Variants in SART3 observed in about 807,000 individuals in gnomAD.
SART3 encodes the protein HIV-1 Tat-interacting protein of 110kDa.
Under a neutral mutation model 122.3 loss-of-function variants are expected in SART3, and 44 were observed. The ratio of observed to expected loss-of-function variants is 0.36; its 90% CI spans 0.28 to 0.46. The LOEUF is 0.46. Among genes scored for constraint, SART3 ranks in the 20% least tolerant of loss-of-function variants. The pLI is 1.00. For missense variants in SART3, 1,101 were observed against 1,229.0 expected (o/e 0.90, Z 1.56); for synonymous variants, 442 against 454.0 (o/e 0.97, Z 0.34).
chr12:108,526,076 AT>A, intron 16 of SART3, 22 bp downstream of exon 16: 1 of 1,596,076 alleles, frequency 6.3e-7, no homozygotes, highest in Non-Finnish European at 8.6e-7. Flanking sequence ...GATGAAAGGC[AT>A]TCTTTTTTTC....
chr12:108,532,558 T>C, intron 12 of SART3: 1 of 488,186 alleles, frequency 2.0e-6, no homozygotes, highest in Non-Finnish European at 3.8e-6. Flanking sequence ...ATGTAGGGGC[T>C]ACTGGAAAGT....
intron 6 of SART3, among the ~76,000 whole-genome samples, chr12:108,542,469 G>A (rs1242019515): frequency 6.6e-6 from 1 of 152,290 alleles, no homozygotes; most frequent in East Asian, 1.9e-4. Context: ...GAGTGGCGCT[G>A]CTCCTTCTCC....
intron 6 of SART3, 46 bp downstream of exon 6, chr12:108,542,982 A>C: frequency 6.2e-7 from 1 of 1,613,220 alleles, no homozygotes. Flanking sequence ...TCCATCAGGG[A>C]AAGGTTTGTA....
At chr12:108,555,323 G>C (rs575444711) in intron 1 of SART3, among the ~76,000 whole-genome samples, 1 of 152,264 alleles carries the variant, frequency 6.6e-6, no homozygotes, top group South Asian at 2.1e-4. Flanking sequence ...TCTAACAAAA[G>C]ATGTGTGAGA....
intron 1 of SART3, chr12:108,560,527 A>C (rs1194630729): frequency 2.4e-6 from 1 of 410,402 alleles, no homozygotes; most frequent in Non-Finnish European, 4.3e-6. Flanking sequence ...ATGGGATCAA[A>C]GTACAAGGCC....
At chr12:108,546,387 G>T (rs997442366) in intron 3 of SART3, among the ~76,000 whole-genome samples, 4 of 152,058 alleles carry the variant, frequency 2.6e-5, no homozygotes, top group African/African-American at 9.7e-5. Context: ...TTTTAGTAGA[G>T]ATGGGGTTTC....
At chr12:108,550,603 C>T (rs985064187) in intron 1 of SART3, among the ~76,000 whole-genome samples, 1 of 152,108 alleles carries the variant, frequency 6.6e-6, no homozygotes, top group African/African-American at 2.4e-5. Context: ...TGGCTCACAC[C>T]TGTAATCCCA....
At chr12:108,541,550 T>C (rs1227544483) in intron 6 of SART3, among the ~76,000 whole-genome samples, 3 of 152,096 alleles carry the variant, frequency 2.0e-5, no homozygotes. Flanking sequence ...GACTTTTTTT[T>C]TTGAGACGGA....
chr12:108,543,857 C>T (rs940814965), intron 5 of SART3, among the ~76,000 whole-genome samples: 1 of 152,158 alleles, frequency 6.6e-6, no homozygotes, highest in Non-Finnish European at 1.5e-5. Context: ...CCTCCCAGCA[C>T]GCACACACTC....
intron 4 of SART3, chr12:108,544,833 G>A: frequency 1.8e-6 from 1 of 568,534 alleles, no homozygotes; most frequent in East Asian, 3.1e-5. Context: ...CCAAACTGCT[G>A]GAATTACAAG....
Position 108,549,202 on chromosome 12 carries a change from C to A in SART3, c.325G>T (p.Val109Phe), listed in dbSNP as rs762265733. ...ERLEEQLSIN[V>F]YDYNCHVDLI... ...TCCACATGGCAGTTGTAGTCATAGA[C>A]GTTGATAGACAACTAACAGGAAAAG... Residue 109 changes from valine to phenylalanine, a missense_variant, in exon 2 of 19, where the codon GTC becomes TTC. Val to Phe is a conservative substitution (Grantham distance 50, BLOSUM62 -1). Transcript: ENST00000546815. 1 of 1,614,100 alleles carries A rather than the reference C, an allele frequency of 6.2e-7. No individual in the cohort carries two copies. The highest frequency in any genetic ancestry group is 8.5e-7 in the Non-Finnish European group (1 of 1,179,994).
At chr12:108,558,131 T>G (rs2030312057) in intron 1 of SART3, among the ~76,000 whole-genome samples, 1 of 151,852 alleles carries the variant, frequency 6.6e-6, no homozygotes, top group African/African-American at 2.4e-5. Flanking sequence ...ATCACACCAC[T>G]ACTCCAGCAT....
chr12:108,525,286 C>G (rs1382209272), intron 17 of SART3, among the ~76,000 whole-genome samples, 171 bp downstream of exon 17: 1 of 152,264 alleles, frequency 6.6e-6, no homozygotes, highest in African/African-American at 2.4e-5. Context: ...ACAGGTTAAT[C>G]TGACTCCAAA....
intron 1 of SART3, among the ~76,000 whole-genome samples, chr12:108,560,042 C>A (rs1565870473): frequency 6.6e-6 from 1 of 152,182 alleles, no homozygotes; most frequent in Non-Finnish European, 1.5e-5. Flanking sequence ...GGATACTAAA[C>A]CTTCACTCCC....
chr12:108,554,856 A>T (rs1302030630), intron 1 of SART3, among the ~76,000 whole-genome samples: 1 of 152,118 alleles, frequency 6.6e-6, no homozygotes, highest in Non-Finnish European at 1.5e-5. Flanking sequence ...GTCAGATGAT[A>T]TCAATGTATA....
chr12:108,545,706 G>A (rs767587637), intron 3 of SART3, among the ~76,000 whole-genome samples: 105 of 152,246 alleles, frequency 6.9e-4, no homozygotes, highest in Middle Eastern at 6.8e-3. Flanking sequence ...GGTGGCTCAC[G>A]CCTGTAATCC....
intron 8 of SART3, 43 bp from the exon 9 acceptor site, chr12:108,537,638 G>C (rs374860870): frequency 6.3e-6 from 9 of 1,422,486 alleles, no homozygotes; most frequent in Non-Finnish European, 8.9e-6. Context: ...AATTCAAATG[G>C]AAACTAATAG....
chr12:108,549,123 CG>C lies in SART3; in HGVS notation c.403del (p.Arg135AlafsTer4). ...EGELTKVRMA[R>X]QKMSEIFPLT... ...GGGAAAGATTTCACTCATCTTCTGG[CG>C]GGCCATCCTCACCTTGGTAAGCTCC... On this transcript the variant is annotated frameshift_variant, in exon 2 of 19. Coordinates refer to ENST00000546815, the MANE Select transcript of SART3 (RefSeq NM_014706.4). LOFTEE classifies it high-confidence loss of function. The C allele has an allele frequency of 1.2e-6, 2 of 1,614,158 alleles. No individual in the cohort carries two copies. Among genetic ancestry groups the C allele is most frequent in the Non-Finnish European group, 1.7e-6 (2 of 1,179,996 alleles).
Position 108,561,045 on chromosome 12 carries a change from T to C in SART3, c.110A>G (p.Lys37Arg). ...DEVKAARTRR[K>R]VLSRAVAAAT... is the part of the protein sequence containing the mutation. ...AGCGGCCACAGCCCGCGATAACACC[T>C]TCCTCCTTGTCCTAGCCGCCTTAAC... Residue 37 changes from lysine (K) to arginine (R), a missense_variant, in exon 1 of 19, where the codon AAG becomes AGG. By Grantham distance (26) the Lys-to-Arg change is conservative. Around this residue, in one of 2 missense-constraint regions of SART3, gnomAD observed 216 missense variants for 148.9 expected, o/e 1.45. Coordinates refer to ENST00000546815, the MANE Select transcript of SART3 (RefSeq NM_014706.4). The C allele has an allele frequency of 1.9e-6, 3 of 1,614,176 alleles. No homozygotes were observed. In the South Asian group the frequency reaches 3.3e-5, roughly 18 times the overall value.
Sources: gnomAD v4.1 joint callset for allele counts (sites outside exome capture counted in the v4.1 genomes callset) on GRCh38, gnomAD v4.1.1 for gene constraint, gnomAD v4.1.1 regional missense constraint, MANE v1.5 for transcripts, NCBI Gene and HGNC (gene_info 2026-07-23, HGNC 2026-07-21) for gene names.